The following C2orf49 variants were observed in gnomAD, a reference collection of about 807,000 sequenced individuals.
C2orf49 encodes the protein tRNA-splicing ligase complex subunit ASW.
C2orf49 carries 11 observed loss-of-function variants against 20.6 expected under a neutral mutation model. The observed-to-expected ratio is 0.53, with a 90% CI of 0.34 to 0.88. The LOEUF is 0.88. Among genes scored for constraint, C2orf49 ranks in the 40% least tolerant of loss-of-function variants. The pLI is 0.02. For synonymous variants in C2orf49, 134 were observed against 108.5 expected (o/e 1.24, Z -1.46); for missense variants, 289 against 274.2 (o/e 1.05, Z -0.38).
At chr2:105,367,413 G>A in the C2orf49 span, among the ~76,000 whole-genome samples, 13 of 152,164 alleles carry the variant, frequency 8.5e-5, no homozygotes, top group East Asian at 1.9e-4. Flanking sequence ...ACCCAGACCC[G>A]ATGGATAAAT....
rs1433093430 is a variant in C2orf49 at position 105,343,294 on chromosome 2, G to A, written c.642+71G>A. ...ACTTGAGCAGTCTGCCTCATGACGG[G>A]AGGTGGGTCGACTGTGCTACATTCT... On this transcript the variant is annotated intron_variant, in intron 3 of 3. Transcript: ENST00000258457. The A allele has an allele frequency of 3.7e-5, 54 of 1,460,224 alleles. No homozygotes were observed. In the South Asian group the frequency reaches 6.9e-4, roughly 19 times the overall value. 90.5% of individuals were successfully genotyped at this position (1,460,224 alleles called of 1,614,324 possible).
At chr2:105,364,118 T>TGTG in the C2orf49 span, among the ~76,000 whole-genome samples, 16 of 151,980 alleles carry the variant, frequency 1.1e-4, no homozygotes, top group African/African-American at 3.9e-4. Context: ...ATTAGCTGAG[T>TGTG]GTGGTGGTGC....
At chr2:105,363,537 C>G in the C2orf49 span, 1 of 1,424,926 alleles carries the variant, frequency 7.0e-7, no homozygotes, top group South Asian at 1.3e-5. Context: ...GTCTCAGCTA[C>G]TGCCACTGGA....
chr2:105,363,800 G>C, the C2orf49 span, among the ~76,000 whole-genome samples: 2 of 152,132 alleles, frequency 1.3e-5, no homozygotes, highest in Admixed American at 6.5e-5. Flanking sequence ...TGGAGGGGTC[G>C]GGATTCAATA....
the C2orf49 span, among the ~76,000 whole-genome samples, chr2:105,383,123 T>C: frequency 6.6e-6 from 1 of 152,238 alleles, no homozygotes; most frequent in Admixed American, 6.5e-5. Flanking sequence ...TGGCCTCAAG[T>C]GTTCCACCTG....
chr2:105,340,336 G>A (rs749241717), intron 2 of C2orf49, among the ~76,000 whole-genome samples: 11 of 152,176 alleles, frequency 7.2e-5, no homozygotes, highest in Non-Finnish European at 1.2e-4. Context: ...TTGACAAGAT[G>A]ACTCTGGCTG....
At chr2:105,358,521 A>G in the C2orf49 span, 64,829 of 152,386 alleles carry the variant, frequency 0.43, 14,657 homozygotes, top group Non-Finnish European at 0.51. Flanking sequence ...TTGGTCCAGA[A>G]TAGAGTTTGT....
chr2:105,375,133 A>G, the C2orf49 span: 7 of 150,286 alleles, frequency 4.7e-5, no homozygotes, highest in East Asian at 3.9e-4. Context: ...TTGCTGAAGT[A>G]TGTGTGTGTG....
intron 1 of C2orf49, among the ~76,000 whole-genome samples, chr2:105,338,217 G>C (rs1219370234): frequency 3.9e-5 from 6 of 152,140 alleles, no homozygotes; most frequent in Non-Finnish European, 8.8e-5. Context: ...TTTTCCAGCT[G>C]GTGTGGCCTC....
chr2:105,339,864 C>G (rs985304155), intron 2 of C2orf49, 115 bp downstream of exon 2: 38 of 886,308 alleles, frequency 4.3e-5, no homozygotes, highest in Non-Finnish European at 6.3e-5. Flanking sequence ...CAATGACTAT[C>G]TATTGAGCAC....
At chr2:105,383,061 T>C in the C2orf49 span, among the ~76,000 whole-genome samples, 2,480 of 152,296 alleles carry the variant, frequency 0.016, 27 homozygotes, top group South Asian at 0.057. Flanking sequence ...TATTTTTGTA[T>C]TTTTAGTAGA....
chr2:105,373,719 C>T, the C2orf49 span: 2 of 1,614,030 alleles, frequency 1.2e-6, no homozygotes, highest in Non-Finnish European at 1.7e-6. Flanking sequence ...AGTGCCGGTC[C>T]TTGTAAGACA....
the C2orf49 span, chr2:105,363,019 C>T: frequency 8.7e-5 from 37 of 423,998 alleles, 1 homozygote; most frequent in East Asian, 1.2e-3. Flanking sequence ...GCAGTTTTAG[C>T]GATAATCCAA....
chr2:105,381,312 C>T, the C2orf49 span, among the ~76,000 whole-genome samples: 2 of 152,180 alleles, frequency 1.3e-5, no homozygotes, highest in Non-Finnish European at 1.5e-5. Flanking sequence ...GCAGAAATGA[C>T]AGCACTGTGT....
rs1274421488 is a variant in C2orf49, at chr2:105,347,869, G to C, written c.*2498G>C. 1.3e-5 allele frequency: 2 copies of C among 152,178 alleles called. No individual in the cohort carries two copies. The highest frequency in any genetic ancestry group is 4.8e-5 in the African/African-American group (2 of 41,438). 9.4% of individuals were successfully genotyped at this position (152,178 alleles called of 1,614,324 possible). A position where few individuals can be genotyped will look rare whatever the true frequency, so the allele number is the denominator to read the frequency against. On this transcript the variant is annotated 3_prime_UTR_variant, in exon 4 of 4. Coordinates refer to ENST00000258457, the MANE Select transcript of C2orf49 (RefSeq NM_024093.3). ...ACATGAGGCGGGTAATGTTGCTCTA[G>C]ATTCTATATTCCAGTAAAGCCAGCT...
chr2:105,361,834 G>A, the C2orf49 span, among the ~76,000 whole-genome samples: 1 of 152,156 alleles, frequency 6.6e-6, no homozygotes, highest in Non-Finnish European at 1.5e-5. Context: ...AGGGAGTGTA[G>A]AAGAGGAAAA....
intron 1 of C2orf49, among the ~76,000 whole-genome samples, chr2:105,339,137 C>G (rs956437895): frequency 6.6e-6 from 1 of 152,138 alleles, no homozygotes; most frequent in Non-Finnish European, 1.5e-5. Context: ...TAGAGAAGCA[C>G]GAGAAATATA....
chr2:105,342,963 C>G lies in C2orf49; in HGVS notation c.382C>G (p.Pro128Ala). 1 of 1,614,164 alleles carries G rather than the reference C, an allele frequency of 6.2e-7. No individual in the cohort carries two copies. The highest frequency in any genetic ancestry group is 8.5e-7 in the Non-Finnish European group (1 of 1,180,034). ...TENGDNDRLKPPPQASFTSNA... is the reference protein window; with the variant it reads ...TENGDNDRLKAPPQASFTSNA... ...GAATGGAGATAATGATCGACTGAAGCCTCCCCCGCAGGCAAGCTTTACCAG... is the reference window on the plus strand; with the variant it reads ...GAATGGAGATAATGATCGACTGAAGGCTCCCCCGCAGGCAAGCTTTACCAG... Residue 128 changes from proline to alanine, a missense_variant, in exon 3 of 4, where the codon CCT becomes GCT. Pro to Ala is a conservative substitution (Grantham distance 27). Transcript: ENST00000258457.
At chr2:105,370,265 C>G in the C2orf49 span, among the ~76,000 whole-genome samples, 1 of 151,760 alleles carries the variant, frequency 6.6e-6, no homozygotes, top group Non-Finnish European at 1.5e-5. Flanking sequence ...GTCCTAGACA[C>G]GTAGGAGGCT....
Sources: gnomAD v4.1 joint callset for allele counts (sites outside exome capture counted in the v4.1 genomes callset) on GRCh38, gnomAD v4.1.1 for gene constraint, MANE v1.5 for transcripts, NCBI Gene and HGNC (gene_info 2026-07-23, HGNC 2026-07-21) for gene names.